NAALADL2: variants seen among roughly 807,000 people sequenced by gnomAD.
The protein encoded by NAALADL2 is N-acetylated alpha-linked acidic dipeptidase like 2, also known as inactive N-acetylated-alpha-linked acidic dipeptidase-like protein 2.
Under a neutral mutation model 87.2 loss-of-function variants are expected in NAALADL2, and 76 were observed. That is an observed-to-expected ratio of 0.87 (90% confidence interval 0.72 to 1.05). The LOEUF is 1.05. NAALADL2 is among the 50% of genes least tolerant of loss of function. NAALADL2 has a pLI of 0.00. For synonymous variants in NAALADL2, 354 were observed against 331.0 expected, an observed-to-expected ratio of 1.07 and a Z score of -0.75; for missense variants, 1,089 against 945.8, an observed-to-expected ratio of 1.15 and a Z score of -1.99.
At chr3:175,320,479 G>A (rs114573651) in intron 4 of NAALADL2, among the ~76,000 whole-genome samples, 2,803 of 152,232 alleles carry the variant, frequency 0.018, 74 homozygotes, top group African/African-American at 0.065. Context: ...TATCTGGGAG[G>A]TCTGGCTGGT....
At chr3:175,221,367 C>T (rs963199087) in intron 2 of NAALADL2, among the ~76,000 whole-genome samples, 1 of 151,988 alleles carries the variant, frequency 6.6e-6, no homozygotes, top group Non-Finnish European at 1.5e-5. Flanking sequence ...TGGTTTTTGG[C>T]CTCTCGAAGT....
intron 1 of NAALADL2, among the ~76,000 whole-genome samples, chr3:174,491,062 TGA>T (rs1718160671): frequency 2.0e-5 from 3 of 152,204 alleles, no homozygotes; most frequent in African/African-American, 4.8e-5. Flanking sequence ...AATCACCATA[TGA>T]GAGAGAACAT....
intron 12 of NAALADL2, among the ~76,000 whole-genome samples, chr3:175,743,100 A>G (rs113250980): frequency 0.025 from 3,739 of 152,068 alleles, 155 homozygotes; most frequent in African/African-American, 0.085. Flanking sequence ...TCCCGGGTTC[A>G]AGTGATTCTC....
chr3:175,345,538 G>A (rs986613341), intron 5 of NAALADL2, among the ~76,000 whole-genome samples: 21 of 152,180 alleles, frequency 1.4e-4, no homozygotes, highest in South Asian at 2.1e-4. Flanking sequence ...CTGTTGTAGG[G>A]CAAAGAGAGA....
At chr3:175,291,605 A>T (rs1755647711) in intron 4 of NAALADL2, among the ~76,000 whole-genome samples, 1 of 152,222 alleles carries the variant, frequency 6.6e-6, no homozygotes, top group South Asian at 2.1e-4. Context: ...CAACTATGAA[A>T]TACCAGAGAA....
At chr3:175,108,277 T>G (rs1420420001) in intron 2 of NAALADL2, among the ~76,000 whole-genome samples, 1 of 151,898 alleles carries the variant, frequency 6.6e-6, no homozygotes, top group East Asian at 1.9e-4. Context: ...CTCAGAAGGG[T>G]ATGCAGCTTT....
chr3:174,611,228 A>C (rs1426447540), intron 2 of NAALADL2, among the ~76,000 whole-genome samples: 9 of 151,890 alleles, frequency 5.9e-5, no homozygotes, highest in East Asian at 5.8e-4. Context: ...TGATGAGTTA[A>C]TGGGTGCAGC....
rs1553773985 is a variant in NAALADL2 at position 175,100,856 on chromosome 3, A to AAAAAC, written c.545+3569_545+3570insCAAAA. ...TCTGTCTCAAAAAAAAAAAAAAAAA[A>AAAAAC]AAAAATTGCAGAAAAAGAGGTAGTT... On this transcript the variant is annotated intron_variant, in intron 2 of 13. Transcript: ENST00000454872. 3.3e-3 allele frequency among the ~76,000 whole-genome samples: 507 copies of AAAAAC among 151,386 alleles called. 2 individuals are homozygous for AAAAAC. The highest frequency in any genetic ancestry group is 0.012 in the African/African-American group (484 of 40,960).
At chr3:174,929,194 G>A (rs956629825) in intron 1 of NAALADL2, among the ~76,000 whole-genome samples, 4 of 152,186 alleles carry the variant, frequency 2.6e-5, no homozygotes, top group Admixed American at 6.5e-5. Flanking sequence ...ATAGGAATAC[G>A]TGGAGCAGAG....
At chr3:175,291,625 T>C (rs1252428642) in intron 4 of NAALADL2, among the ~76,000 whole-genome samples, 1 of 152,126 alleles carries the variant, frequency 6.6e-6, no homozygotes, top group Admixed American at 6.5e-5. Context: ...AATATGATGA[T>C]AATATTAAGC....
At chr3:174,837,234 G>C (rs1323666159) in intron 3 of NAALADL2, among the ~76,000 whole-genome samples, 6 of 152,088 alleles carry the variant, frequency 3.9e-5, no homozygotes, top group African/African-American at 1.4e-4. Flanking sequence ...AAATACAATT[G>C]ATAGACATTA....
chr3:175,119,393 G>A (rs1202897052), intron 2 of NAALADL2, among the ~76,000 whole-genome samples: 1 of 151,484 alleles, frequency 6.6e-6, no homozygotes, highest in Non-Finnish European at 1.5e-5. Flanking sequence ...TAATATTCCA[G>A]GTATATGGTC....
intron 2 of NAALADL2, among the ~76,000 whole-genome samples, chr3:175,098,718 A>C (rs941040236): frequency 6.6e-6 from 1 of 152,176 alleles, no homozygotes; most frequent in Admixed American, 6.6e-5. Context: ...GTTGCAGATA[A>C]ATCTAACTGG....
At chr3:174,831,663 G>C (rs1025543284) in intron 3 of NAALADL2, among the ~76,000 whole-genome samples, 1 of 151,112 alleles carries the variant, frequency 6.6e-6, no homozygotes, top group Non-Finnish European at 1.5e-5. Context: ...CTATTGATTG[G>C]AATAGTTTCA....
chr3:175,622,942 A>G (rs1473290460), intron 10 of NAALADL2, among the ~76,000 whole-genome samples: 10 of 152,134 alleles, frequency 6.6e-5, no homozygotes, highest in Admixed American at 6.5e-4. Flanking sequence ...AATAGAAGAC[A>G]TAACCTAGAT....
intron 12 of NAALADL2, among the ~76,000 whole-genome samples, chr3:175,744,529 A>G (rs2063743398): frequency 2.0e-5 from 3 of 152,226 alleles, no homozygotes; most frequent in Admixed American, 1.3e-4. Flanking sequence ...CAAACAACAT[A>G]AGCAAAAATA....
intron 3 of NAALADL2, among the ~76,000 whole-genome samples, chr3:174,741,930 T>A (rs1515624): frequency 6.6e-6 from 1 of 151,742 alleles, no homozygotes; most frequent in African/African-American, 2.4e-5. Flanking sequence ...TTAACTTACA[T>A]GGAATGCATT....
chr3:175,021,143 A>G (rs1196051053), intron 1 of NAALADL2, among the ~76,000 whole-genome samples: 1 of 152,042 alleles, frequency 6.6e-6, no homozygotes, highest in East Asian at 1.9e-4. Context: ...TACTATCAAA[A>G]GAGGAAAAAG....
chr3:174,956,469 AT>A (rs1741169848), intron 1 of NAALADL2, among the ~76,000 whole-genome samples: 1 of 152,082 alleles, frequency 6.6e-6, no homozygotes, highest in Non-Finnish European at 1.5e-5. Flanking sequence ...TTTAGCCCCT[AT>A]GGGCCTCACT....
Sources: gnomAD v4.1 joint callset for allele counts (sites outside exome capture counted in the v4.1 genomes callset) on GRCh38, gnomAD v4.1.1 for gene constraint, MANE v1.5 for transcripts, NCBI Gene and HGNC (gene_info 2026-07-23, HGNC 2026-07-21) for gene names.